The following SCN10A variants were observed in gnomAD, a reference collection of about 807,000 sequenced individuals.
The protein encoded by SCN10A is sodium voltage-gated channel alpha subunit 10.
In SCN10A, 162 loss-of-function variants were observed where a neutral mutation model predicts 170.7. That is an observed-to-expected ratio of 0.95 (90% CI 0.84 to 1.08). The LOEUF is 1.08. SCN10A is among the 50% of genes least tolerant of loss of function. The pLI, the probability that SCN10A is intolerant of heterozygous loss-of-function variation, is 0.00. For missense variants in SCN10A, 2,527 were observed against 2,436.9 expected, an observed-to-expected ratio of 1.04 and a Z score of -0.78; for synonymous variants, 985 against 904.6, an observed-to-expected ratio of 1.09 and a Z score of -1.59.
chr3:38,776,494 A>G (rs181524665), intron 4 of SCN10A, among the ~76,000 whole-genome samples: 1 of 152,290 alleles, frequency 6.6e-6, no homozygotes, highest in Admixed American at 6.5e-5. Context: ...ACATTAGTCA[A>G]GATAAACTGC....
intron 25 of SCN10A, among the ~76,000 whole-genome samples, chr3:38,709,132 G>A (rs1292295995): frequency 6.6e-6 from 1 of 152,024 alleles, no homozygotes; most frequent in East Asian, 1.9e-4. Context: ...TCCTTTGTGG[G>A]GATCATATCC....
intron 21 of SCN10A, among the ~76,000 whole-genome samples, chr3:38,715,645 C>T (rs1421906001): frequency 1.3e-5 from 2 of 152,172 alleles, no homozygotes; most frequent in African/African-American, 2.4e-5. Flanking sequence ...CATTTCTATG[C>T]CCCACATCTA....
At chr3:38,796,473 T>G (rs1211642412) in intron 1 of SCN10A, among the ~76,000 whole-genome samples, 2 of 152,142 alleles carry the variant, frequency 1.3e-5, no homozygotes, top group African/African-American at 4.8e-5. Flanking sequence ...AAAATGAAAA[T>G]CTGGTTATGT....
chr3:38,804,564 A>G (rs1450413128), intron 1 of SCN10A, among the ~76,000 whole-genome samples: 2 of 152,184 alleles, frequency 1.3e-5, no homozygotes, highest in Non-Finnish European at 2.9e-5. Context: ...ATAAATAAAT[A>G]TTCAAGAAAT....
chr3:38,786,687 G>A (rs2126055002), intron 4 of SCN10A, among the ~76,000 whole-genome samples: 1 of 152,258 alleles, frequency 6.6e-6, no homozygotes, highest in Middle Eastern at 3.4e-3. Flanking sequence ...GATCCACCTA[G>A]AATTGATTCT....
At position 38,756,655 on chromosome 3, in the gene SCN10A, G is replaced by A. The variant is rs775875097; in HGVS notation, c.1290+19C>T. 1.1e-5 allele frequency: 17 copies of A among 1,603,514 alleles called. No homozygotes were observed. The highest frequency in any genetic ancestry group is 2.7e-5 in the African/African-American group (2 of 74,766). On this transcript the variant is annotated intron_variant, in intron 10 of 27. Transcript: ENST00000449082. The stretch of plus-strand genomic sequence containing the variant: ...GACAGTCTGCAACCTTCTTCACAAA[G>A]CTTCCACTCCTCACAAACCTCCTGC...
chr3:38,805,937 C>G (rs1341788245), intron 1 of SCN10A, among the ~76,000 whole-genome samples: 1 of 152,052 alleles, frequency 6.6e-6, no homozygotes, highest in East Asian at 1.9e-4. Flanking sequence ...ACAGGGCGGA[C>G]GAAAGTGCGT....
At chr3:38,746,063 GTATATA>G (rs1553619550) in intron 13 of SCN10A, among the ~76,000 whole-genome samples, 2,326 of 61,676 alleles carry the variant, frequency 0.038, 160 homozygotes, top group African/African-American at 0.1. Flanking sequence ...GTGTGTATGT[GTATATA>G]TATATATATA....
intron 15 of SCN10A, among the ~76,000 whole-genome samples, chr3:38,732,656 A>G (rs1024938476): frequency 6.6e-6 from 1 of 152,194 alleles, no homozygotes; most frequent in African/African-American, 2.4e-5. Flanking sequence ...TTGGAATGTC[A>G]ATCTATGTTA....
chr3:38,750,255 G>A, intron 12 of SCN10A, 71 bp from the exon 13 acceptor site: 2 of 801,456 alleles, frequency 2.5e-6, no homozygotes, highest in Admixed American at 4.2e-5. Context: ...GGATCATTCA[G>A]CCTCTTATTG....
intron 14 of SCN10A, among the ~76,000 whole-genome samples, chr3:38,741,814 C>T (rs762101797): frequency 3.3e-5 from 5 of 152,202 alleles, no homozygotes; most frequent in Non-Finnish European, 7.3e-5. Context: ...TTCCCCTTCC[C>T]TCCCCAACTC....
At chr3:38,731,333 T>G (rs2063511377) in intron 15 of SCN10A, among the ~76,000 whole-genome samples, 1 of 152,216 alleles carries the variant, frequency 6.6e-6, no homozygotes, top group African/African-American at 2.4e-5. Context: ...AAAGAAATTC[T>G]AAAGGAGGTA....
intron 18 of SCN10A, among the ~76,000 whole-genome samples, chr3:38,723,974 C>G (rs576722503): frequency 6.6e-6 from 1 of 152,156 alleles, no homozygotes; most frequent in Non-Finnish European, 1.5e-5. Flanking sequence ...CCCCATTTGT[C>G]GCTGTCAGGC....
intron 15 of SCN10A, among the ~76,000 whole-genome samples, chr3:38,737,765 CCTCCCTCT>C (rs772520972): frequency 1.8e-5 from 2 of 108,152 alleles, no homozygotes; most frequent in African/African-American, 7.3e-5. Context: ...TCCCTCCCTC[CCTCCCTCT>C]CTCTCTCCCT....
At chr3:38,736,969 T>G (rs904184691) in intron 15 of SCN10A, among the ~76,000 whole-genome samples, 2 of 91,884 alleles carry the variant, frequency 2.2e-5, no homozygotes, top group African/African-American at 5.1e-5. Flanking sequence ...GTTCGTTTTT[T>G]TTTTTTTTTT....
intron 21 of SCN10A, among the ~76,000 whole-genome samples, chr3:38,716,502 C>T (rs2125992810): frequency 6.6e-6 from 1 of 152,336 alleles, no homozygotes; most frequent in South Asian, 2.1e-4. Context: ...GATTGTAAGG[C>T]TTCCCCAGCC....
intron 11 of SCN10A, among the ~76,000 whole-genome samples, chr3:38,754,854 A>G (rs2063786166): frequency 6.6e-6 from 1 of 152,278 alleles, no homozygotes; most frequent in Non-Finnish European, 1.5e-5. Context: ...GAGAGGTATA[A>G]AGCATAAAAA....
At chr3:38,739,888 C>T (rs1355305419) in intron 14 of SCN10A, among the ~76,000 whole-genome samples, 200 bp from the exon 15 acceptor site, 1 of 152,208 alleles carries the variant, frequency 6.6e-6, no homozygotes, top group Non-Finnish European at 1.5e-5. Flanking sequence ...GCACCATTCT[C>T]AGGGGCTGTG....
intron 1 of SCN10A, among the ~76,000 whole-genome samples, chr3:38,803,954 C>T (rs915855243): frequency 9.2e-5 from 14 of 152,236 alleles, no homozygotes; most frequent in African/African-American, 2.9e-4. Flanking sequence ...ACTTCCATTG[C>T]TGCTGCCACA....
Sources: allele counts gnomAD v4.1 joint callset (sites outside exome capture counted in the v4.1 genomes callset), GRCh38; gene constraint gnomAD v4.1.1; transcripts MANE v1.5; gene names NCBI Gene and HGNC (gene_info 2026-07-23, HGNC 2026-07-21).